The following RTL9 variants were observed in gnomAD, a reference collection of about 807,000 sequenced individuals.
The protein encoded by RTL9 is retrotransposon Gag like 9, also known as retrotransposon Gag-like protein 9.
A neutral mutation model predicts 44.7 loss-of-function variants in RTL9; 19 were observed. The ratio of observed to expected loss-of-function variants is 0.42; its 90% CI spans 0.30 to 0.62. The LOEUF is 0.62. Among genes scored for constraint, RTL9 ranks in the 20% least tolerant of loss-of-function variants. The pLI is 0.16. For missense variants in RTL9, 1,105 were observed against 1,080.6 expected, an observed-to-expected ratio of 1.02 and a Z score of -0.32; for synonymous variants, 407 against 398.9, an observed-to-expected ratio of 1.02 and a Z score of -0.24.
chrX:110,380,878 T>C (rs1177792429), intron 1 of RTL9, among the ~76,000 whole-genome samples: 2 of 112,408 alleles, frequency 1.8e-5, no homozygotes, highest in African/African-American at 3.2e-5. Context: ...GGTGCTGGGA[T>C]AACTGGCATA....
intron 1 of RTL9, among the ~76,000 whole-genome samples, chrX:110,383,556 C>T (rs749250891): frequency 9.0e-6 from 1 of 111,431 alleles, no homozygotes. Flanking sequence ...ACAATCCTGA[C>T]ATACCCTAAA....
exon 1 of RTL9, chrX:110,450,924 T>C (rs1037818954): frequency 8.3e-7 from 1 of 1,209,595 alleles, no homozygotes; most frequent in Non-Finnish European, 1.1e-6. Flanking sequence ...ACTTTCCCCA[T>C]TGCTAATGCC....
chrX:110,373,362 T>A (rs2068352777), intron 1 of RTL9, among the ~76,000 whole-genome samples: 1 of 111,766 alleles, frequency 8.9e-6, no homozygotes, highest in Admixed American at 9.5e-5. Context: ...ACCCACATAA[T>A]GCAGAAACCC....
At chrX:110,448,290 C>A (rs1268684517), upstream of RTL9, among the ~76,000 whole-genome samples, 3 of 111,311 alleles carry the variant, frequency 2.7e-5, no homozygotes, top group Non-Finnish European at 5.7e-5. Context: ...ACTCAATCTC[C>A]AGCCTCAGTT....
At chrX:110,391,959 A>G (rs1452199486) in intron 1 of RTL9, among the ~76,000 whole-genome samples, 1 of 112,179 alleles carries the variant, frequency 8.9e-6, no homozygotes, top group Non-Finnish European at 1.9e-5. Context: ...TTACCAATGA[A>G]CTCTGTTCAA....
intron 1 of RTL9, among the ~76,000 whole-genome samples, chrX:110,398,426 A>C (rs1344110646): frequency 8.9e-6 from 1 of 112,643 alleles, no homozygotes; most frequent in Non-Finnish European, 1.9e-5. Flanking sequence ...TTAAAAAATA[A>C]ATTTTTAAAT....
At chrX:110,418,420 T>C (rs1161844261), upstream of RTL9, among the ~76,000 whole-genome samples, 7 of 112,027 alleles carry the variant, frequency 6.2e-5, no homozygotes, top group Non-Finnish European at 1.3e-4. Flanking sequence ...TGTGTGCCGA[T>C]GGCCCCCGTG....
intron 1 of RTL9, among the ~76,000 whole-genome samples, chrX:110,419,681 A>G (rs2068703324): frequency 8.9e-6 from 1 of 111,776 alleles, no homozygotes; most frequent in Non-Finnish European, 1.9e-5. Flanking sequence ...TGCCAGACAT[A>G]TGGTTGCTGA....
chrX:110,410,693 G>A (rs1286926558), intron 1 of RTL9, among the ~76,000 whole-genome samples: 1 of 111,692 alleles, frequency 9.0e-6, no homozygotes, highest in Non-Finnish European at 1.9e-5. Context: ...GGAGGGAGAA[G>A]GGAAACATTA....
intron 1 of RTL9, among the ~76,000 whole-genome samples, chrX:110,381,775 T>C (rs1471314170): frequency 9.0e-6 from 1 of 110,845 alleles, no homozygotes; most frequent in Non-Finnish European, 1.9e-5. Flanking sequence ...TATGGGAACA[T>C]GGATGCAGCT....
chrX:110,364,261 A>G (rs2068282615), intron 1 of RTL9, among the ~76,000 whole-genome samples: 1 of 111,621 alleles, frequency 9.0e-6, no homozygotes, highest in South Asian at 3.8e-4. Flanking sequence ...TTTACAGCCC[A>G]CCCTAATCCA....
At chrX:110,450,443 G>A (rs1300939730), upstream of RTL9, 7 of 438,338 alleles carry the variant, frequency 1.6e-5, no homozygotes, top group Non-Finnish European at 2.8e-5. Flanking sequence ...TAATCTGATA[G>A]CCTCACCTTC....
At chrX:110,372,541 C>T (rs1200190015) in intron 1 of RTL9, among the ~76,000 whole-genome samples, 1 of 111,292 alleles carries the variant, frequency 9.0e-6, no homozygotes, top group Non-Finnish European at 1.9e-5. Context: ...TCTATATCAG[C>T]CAATGTAAGT....
At chrX:110,386,281 C>G (rs1231596942) in intron 1 of RTL9, among the ~76,000 whole-genome samples, 1 of 110,030 alleles carries the variant, frequency 9.1e-6, no homozygotes, top group Non-Finnish European at 1.9e-5. Context: ...TTTTCCACAT[C>G]TTCATCAACA....
chrX:110,390,135 AC>A (rs781767565), intron 1 of RTL9, among the ~76,000 whole-genome samples: 5 of 111,786 alleles, frequency 4.5e-5, no homozygotes, highest in Non-Finnish European at 7.5e-5. Flanking sequence ...TAAATAAAAT[AC>A]CTGCCTACAT....
intron 1 of RTL9, among the ~76,000 whole-genome samples, chrX:110,379,908 A>C (rs772282646): frequency 1.3e-4 from 14 of 111,647 alleles, no homozygotes; most frequent in Non-Finnish European, 2.1e-4. Flanking sequence ...TATATATCAT[A>C]AAATTTATTT....
chrX:110,416,739 T>C (rs1240960305), upstream of RTL9, among the ~76,000 whole-genome samples: 3 of 112,179 alleles, frequency 2.7e-5, no homozygotes, highest in African/African-American at 9.7e-5. Flanking sequence ...CTAAGCGTCC[T>C]GTGGGGTTGG....
intron 1 of RTL9, among the ~76,000 whole-genome samples, chrX:110,375,799 G>A (rs965051355): frequency 5.4e-5 from 6 of 112,029 alleles, no homozygotes; most frequent in Middle Eastern, 4.6e-3. Context: ...TCTTAGCATG[G>A]AAAGTAAGAA....
chrX:110,440,502 G>C (rs1357466605), intron 1 of RTL9, among the ~76,000 whole-genome samples: 1 of 111,797 alleles, frequency 8.9e-6, no homozygotes, highest in East Asian at 2.8e-4. Flanking sequence ...CTTGGGTCAC[G>C]GCCTGCCTTC....
Sources: allele counts gnomAD v4.1 joint callset (sites outside exome capture counted in the v4.1 genomes callset), GRCh38; gene constraint gnomAD v4.1.1; transcripts MANE v1.5; gene names NCBI Gene and HGNC (gene_info 2026-07-23, HGNC 2026-07-21).